Variants in TARBP1 observed in about 807,000 individuals in gnomAD.
TARBP1 encodes the protein tRNA (guanosine(18)-2'-O)-methyltransferase TARBP1.
In TARBP1, 144 loss-of-function variants were observed where a neutral mutation model predicts 178.6. The observed-to-expected ratio is 0.81, with a 90% CI of 0.70 to 0.93. The LOEUF is 0.93. Among genes scored for constraint, TARBP1 ranks in the 40% least tolerant of loss-of-function variants. TARBP1 has a pLI of 0.00. For missense variants in TARBP1, 2,067 were observed against 2,011.7 expected, an observed-to-expected ratio of 1.03 and a Z score of -0.53; for synonymous variants, 787 against 781.0, an observed-to-expected ratio of 1.01 and a Z score of -0.13.
At chr1:234,417,809 G>A (rs532503048) in intron 22 of TARBP1, among the ~76,000 whole-genome samples, 6 of 152,116 alleles carry the variant, frequency 3.9e-5, no homozygotes, top group South Asian at 2.1e-4. Flanking sequence ...ATAAGAATAC[G>A]GAATGCACCT....
chr1:234,406,030 G>A lies in TARBP1; in HGVS notation c.3862C>T (p.Leu1288=), dbSNP rs554921786. ...WCFNHNFSVR[L]YALVALKKLW... ...TTCTTAAGAGCAACTAAAGCATACA[G>A]TCGAACACTAAAATTGTGATTGAAA... Residue 1288 remains leucine, a synonymous_variant, in exon 24 of 30, where the codon CTG becomes TTG. Transcript: ENST00000040877. The A allele has an allele frequency of 1.2e-6, 2 of 1,614,158 alleles. No homozygotes were observed. The highest frequency in any genetic ancestry group is 1.3e-5 in the African/African-American group (1 of 75,040).
At chr1:234,429,962 C>T (rs1022808727) in intron 15 of TARBP1, 125 bp downstream of exon 15, 3 of 1,000,554 alleles carry the variant, frequency 3.0e-6, no homozygotes, top group Non-Finnish European at 4.4e-6. Context: ...AATGTTATAC[C>T]ACACTTTCAT....
chr1:234,467,329 G>T (rs270503), intron 4 of TARBP1, among the ~76,000 whole-genome samples, 173 bp downstream of exon 4: 93,119 of 152,054 alleles, frequency 0.61, 29,483 homozygotes, highest in East Asian at 0.92. Context: ...TTCTACCGTT[G>T]GGCTTGTTGA....
At chr1:234,416,936 C>T (rs1166524938) in intron 22 of TARBP1, among the ~76,000 whole-genome samples, 1 of 152,078 alleles carries the variant, frequency 6.6e-6, no homozygotes, top group Non-Finnish European at 1.5e-5. Flanking sequence ...GGCTAACCAG[C>T]GACTCTTCAG....
intron 9 of TARBP1, 46 bp downstream of exon 9, chr1:234,457,620 AT>A: frequency 7.2e-7 from 1 of 1,380,568 alleles, no homozygotes; most frequent in Non-Finnish European, 9.9e-7. Context: ...TAAGAAAACC[AT>A]TTTTTATAGT....
intron 2 of TARBP1, among the ~76,000 whole-genome samples, chr1:234,472,348 A>AC (rs1268045356): frequency 6.0e-5 from 9 of 150,942 alleles, no homozygotes; most frequent in Non-Finnish European, 8.9e-5. Flanking sequence ...AAAAAAAAAA[A>AC]AAAAAAAAAC....
At chr1:234,455,556 A>C (rs747671675) in intron 9 of TARBP1, among the ~76,000 whole-genome samples, 4 of 152,230 alleles carry the variant, frequency 2.6e-5, no homozygotes, top group Non-Finnish European at 4.4e-5. Context: ...AATCACTATG[A>C]ATATACATTT....
chr1:234,450,366 A>G, intron 10 of TARBP1, 62 bp downstream of exon 10: 1 of 1,361,240 alleles, frequency 7.3e-7, no homozygotes, highest in Non-Finnish European at 1.0e-6. Flanking sequence ...CTGAAAAACT[A>G]GTTAAAAGTT....
At chr1:234,470,331 C>T (rs775326748) in intron 3 of TARBP1, among the ~76,000 whole-genome samples, 1 of 152,074 alleles carries the variant, frequency 6.6e-6, no homozygotes, top group Non-Finnish European at 1.5e-5. Context: ...GAAACCCTAT[C>T]GACGAGTCCT....
At chr1:234,433,647 G>A (rs1487119216) in intron 13 of TARBP1, 76 bp from the exon 14 acceptor site, 8 of 1,424,628 alleles carry the variant, frequency 5.6e-6, no homozygotes, top group African/African-American at 4.3e-5. Flanking sequence ...CTTCAGGCAG[G>A]AGAAGTTTAC....
At chr1:234,408,147 C>T (rs1380282106) in intron 23 of TARBP1, among the ~76,000 whole-genome samples, 1 of 151,712 alleles carries the variant, frequency 6.6e-6, no homozygotes, top group East Asian at 1.9e-4. Flanking sequence ...GCTCATTTTA[C>T]ACAATGAGCA....
rs543242535 is a variant in TARBP1, at chr1:234,479,059, G to A, written c.45C>T (p.Asp15=). The part of the protein sequence containing the change: ...LAEALLSQSR[D]PRALLGALCQ... Reference sequence around the variant, plus strand: ...ACAGCGCCCCAAGCAGGGCCCGGGGGTCCCGGCTCTGCGAGAGCAGCGCTT... The same window carrying A: ...ACAGCGCCCCAAGCAGGGCCCGGGGATCCCGGCTCTGCGAGAGCAGCGCTT... The change falls in exon 1 of 30, where the codon GAC becomes GAT. Residue 15 remains aspartate (D), a synonymous_variant. Coordinates refer to ENST00000040877, the MANE Select transcript of TARBP1 (RefSeq NM_005646.4). 132 of 1,539,710 alleles carry A rather than the reference G, an allele frequency of 8.6e-5. No homozygotes were observed. The African/African-American group carries it at 1.6e-3, about 18-fold the overall frequency.
rs771020351 is a variant in TARBP1 at position 234,429,297 on chromosome 1, T to C, written c.2899A>G (p.Ile967Val). 1.2e-5 allele frequency: 19 copies of C among 1,584,288 alleles called. No individual in the cohort carries two copies. Among genetic ancestry groups the C allele is most frequent in the Non-Finnish European group, 9.4e-6 (11 of 1,172,582 alleles). The change falls in exon 17 of 30, where the codon ATA becomes GTA. Residue 967 changes from isoleucine to valine, a missense_variant. By Grantham distance (29) the Ile-to-Val change is conservative. Transcript: ENST00000040877. ...KLLTSSESLC[I>V]ESFDMAWKII... ...TTCCACGCCATGTCAAAAGACTCTA[T>C]GCAGAGTGATTCAGAGGAAGTCAGA...
At chr1:234,421,636 G>A (rs1413963441) in intron 20 of TARBP1, among the ~76,000 whole-genome samples, 4 of 152,182 alleles carry the variant, frequency 2.6e-5, no homozygotes, top group South Asian at 2.1e-4. Flanking sequence ...CGTGTCTCTC[G>A]ACACAAGAAA....
At chr1:234,451,766 A>AAAAAAAAAAAAAAAAAAAAAAAAAAAAC (rs57636903) in intron 9 of TARBP1, among the ~76,000 whole-genome samples, 3 of 17,176 alleles carry the variant, frequency 1.7e-4, no homozygotes, top group African/African-American at 4.1e-4. Context: ...AAAAAAAAAA[A>AAAAAAAAAAAAAAAAAAAAAAAAAAAAC]TGATGAATGA....
intron 22 of TARBP1, among the ~76,000 whole-genome samples, chr1:234,414,720 C>T (rs1168040886): frequency 2.6e-5 from 4 of 152,170 alleles, no homozygotes. Flanking sequence ...CGCGGTGGCT[C>T]ATGCCTGTAA....
At chr1:234,422,011 CT>C (rs1213115590) in intron 20 of TARBP1, among the ~76,000 whole-genome samples, 2 of 152,130 alleles carry the variant, frequency 1.3e-5, no homozygotes, top group Non-Finnish European at 2.9e-5. Flanking sequence ...ATCTCATAAT[CT>C]CTATATAATT....
At chr1:234,416,826 T>G (rs981214571) in intron 22 of TARBP1, among the ~76,000 whole-genome samples, 1 of 151,960 alleles carries the variant, frequency 6.6e-6, no homozygotes, top group South Asian at 2.1e-4. Flanking sequence ...AGGGTGAAGT[T>G]TGAAGTGATT....
At chr1:234,430,429 G>C in intron 14 of TARBP1, 128 bp from the exon 15 acceptor site, 1 of 769,256 alleles carries the variant, frequency 1.3e-6, no homozygotes, top group Non-Finnish European at 2.1e-6. Flanking sequence ...TGAATATCAG[G>C]AGAAATAAAA....
Sources: allele counts gnomAD v4.1 joint callset (sites outside exome capture counted in the v4.1 genomes callset), GRCh38; gene constraint gnomAD v4.1.1; transcripts MANE v1.5; gene names NCBI Gene and HGNC (gene_info 2026-07-23, HGNC 2026-07-21).